Variants in CDX1 observed in about 807,000 individuals in gnomAD.
CDX1 encodes the protein caudal type homeobox 1, also known as homeobox protein CDX-1.
A neutral mutation model predicts 16.9 loss-of-function variants in CDX1; 9 were observed. The ratio of observed to expected loss-of-function variants is 0.53; its 90% CI spans 0.32 to 0.93. The LOEUF (loss-of-function observed/expected upper bound fraction) is 0.93, where lower values mean the gene tolerates loss of function less well. CDX1 is among the 40% of genes least tolerant of loss of function. CDX1 has a pLI of 0.04. For missense variants in CDX1, 393 were observed against 386.1 expected (o/e 1.02, Z -0.15); for synonymous variants, 179 against 179.0 (o/e 1.00, Z 0.00).
intron 1 of CDX1, among the ~76,000 whole-genome samples, chr5:150,178,848 T>C (rs1761604807): frequency 6.6e-6 from 1 of 152,196 alleles, no homozygotes; most frequent in Non-Finnish European, 1.5e-5. Context: ...TATTCTGTCT[T>C]GCTTTTTTTT....
In CDX1 at chr5:150,166,857, C is replaced by CG. The variant is rs765880992; in HGVS notation, c.-15dup. ...CGGCGGCTCCAGGGCCCAGCATGCG[C>CG]GGGGGACCCCGCGGCCACCATGTAT... On this transcript the variant is annotated 5_prime_UTR_variant, in exon 1 of 3. Transcript: ENST00000231656. 5.7e-5 allele frequency: 83 copies of CG among 1,452,678 alleles called. 2 individuals carry two copies. The South Asian group carries it at 1.0e-3, about 18-fold the overall frequency. 90.0% of individuals were successfully genotyped at this position (1,452,678 alleles called of 1,614,324 possible). A position where few individuals can be genotyped will look rare whatever the true frequency, so the allele number is the denominator to read the frequency against.
intron 1 of CDX1, among the ~76,000 whole-genome samples, chr5:150,182,495 C>T (rs1278458678): frequency 1.3e-5 from 2 of 152,264 alleles, no homozygotes; most frequent in African/African-American, 2.4e-5. Context: ...GCTCCGTCAG[C>T]AGCCTGCTGT....
At chr5:150,167,363 T>A (rs1028980338) in intron 1 of CDX1, 42 bp downstream of exon 1, 1 of 1,219,242 alleles carries the variant, frequency 8.2e-7, no homozygotes, top group Admixed American at 4.2e-5. Flanking sequence ...GACCTGCAGG[T>A]GCTCGGGCGC....
intron 1 of CDX1, among the ~76,000 whole-genome samples, chr5:150,175,726 C>G (rs1421686144): frequency 2.0e-5 from 3 of 152,144 alleles, no homozygotes; most frequent in Non-Finnish European, 2.9e-5. Flanking sequence ...GAGAGCCCTC[C>G]CCCTGGTGGT....
rs951732162 is a variant in CDX1 at position 150,167,308 on chromosome 5, C to T, written c.432C>T (p.Gly144=). The T allele has an allele frequency of 2.9e-5, 36 of 1,262,946 alleles. No homozygotes were observed. The highest frequency in any genetic ancestry group is 3.5e-5 in the Non-Finnish European group (35 of 1,009,774). 78.2% of individuals were successfully genotyped at this position (1,262,946 alleles called of 1,614,324 possible). A position where few individuals can be genotyped will look rare whatever the true frequency, so the allele number is the denominator to read the frequency against. ...EWMRRSVAAG[G]GGGSGKTRTK... ...TGCGGCGCAGCGTGGCGGCCGGAGG[C>T]GGCGGTGGCAGCGGTAAGGACCCTT... Residue 144 remains glycine, a synonymous_variant, in exon 1 of 3, where the codon GGC becomes GGT. Coordinates refer to ENST00000231656, the MANE Select transcript of CDX1 (RefSeq NM_001804.3).
chr5:150,173,110 A>T (rs1761528058), intron 1 of CDX1, among the ~76,000 whole-genome samples: 1 of 152,144 alleles, frequency 6.6e-6, no homozygotes, highest in Admixed American at 6.5e-5. Context: ...GCTAGGCTCC[A>T]CACCCTCCCA....
Position 150,166,825 on chromosome 5 carries a change from C to T in CDX1, c.-52C>T. 7.7e-7 allele frequency: 1 copy of T among 1,296,904 alleles called. No individual in the cohort carries two copies. 80.3% of individuals were successfully genotyped at this position (1,296,904 alleles called of 1,614,324 possible). A position where few individuals can be genotyped will look rare whatever the true frequency, so the allele number is the denominator to read the frequency against. The stretch of plus-strand genomic sequence containing the variant: ...GAGCGGTTGCTCGTCGTCGGGGCGG[C>T]CGGCAGCGGCGGCTCCAGGGCCCAG... On this transcript the variant is annotated 5_prime_UTR_variant, in exon 1 of 3. Coordinates refer to ENST00000231656, the MANE Select transcript of CDX1 (RefSeq NM_001804.3).
Position 150,167,198 on chromosome 5 carries a change from G to A in CDX1, c.322G>A (p.Gly108Ser), listed in dbSNP as rs1761437816. The A allele has an allele frequency of 7.9e-7, 1 of 1,265,654 alleles. No homozygotes were observed. The highest frequency in any genetic ancestry group is 1.6e-5 in the African/African-American group (1 of 64,268). The allele number at this position is 1,265,654 out of a possible 1,614,324, so 78.4% of individuals were successfully genotyped here. Reference protein sequence around the residue: ...FSPVPAPPGPGPGLLAQPLGG... With the variant: ...FSPVPAPPGPSPGLLAQPLGG... ...CCCGGTGCCGGCGCCCCCTGGGCCCGGCCCGGGCCTCCTGGCGCAGCCCCT... is the reference window on the plus strand; with the variant it reads ...CCCGGTGCCGGCGCCCCCTGGGCCCAGCCCGGGCCTCCTGGCGCAGCCCCT... The change falls in exon 1 of 3, where the codon GGC becomes AGC. Residue 108 changes from glycine (G) to serine (S), a missense_variant. Gly to Ser is a moderately conservative substitution (Grantham distance 56). Coordinates refer to ENST00000231656, the MANE Select transcript of CDX1 (RefSeq NM_001804.3).
Position 150,184,216 on chromosome 5 carries a change from A to G in CDX1, c.*536A>G, listed in dbSNP as rs1186554348. On this transcript the variant is annotated 3_prime_UTR_variant, in exon 3 of 3. Coordinates refer to ENST00000231656, the MANE Select transcript of CDX1 (RefSeq NM_001804.3). Reference sequence around the variant, plus strand: ...AGGCTGGATACTAAGCACAAAGCCCATAGCACTGGGCTCTGATGGCTGCTC... The same window carrying G: ...AGGCTGGATACTAAGCACAAAGCCCGTAGCACTGGGCTCTGATGGCTGCTC... 1 of 152,362 alleles carries G rather than the reference A, an allele frequency of 6.6e-6. No individual in the cohort carries two copies. The highest frequency in any genetic ancestry group is 1.5e-5 in the Non-Finnish European group (1 of 68,134). The allele number at this position is 152,362 out of a possible 1,614,324, so 9.4% of individuals were successfully genotyped here.
chr5:150,178,670 T>TA (rs1458777052), intron 1 of CDX1, among the ~76,000 whole-genome samples: 1 of 152,176 alleles, frequency 6.6e-6, no homozygotes, highest in African/African-American at 2.4e-5. Flanking sequence ...GATAAAGATT[T>TA]AAAAAACCCA....
intron 1 of CDX1, among the ~76,000 whole-genome samples, chr5:150,174,493 T>C (rs1240803259): frequency 6.6e-6 from 1 of 152,200 alleles, no homozygotes; most frequent in Non-Finnish European, 1.5e-5. Context: ...GTCCGGACCC[T>C]GGTAGGAGTT....
At chr5:150,173,508 C>T (rs1761532538) in intron 1 of CDX1, among the ~76,000 whole-genome samples, 2 of 152,230 alleles carry the variant, frequency 1.3e-5, no homozygotes, top group South Asian at 2.1e-4. Context: ...AGTAAAGTAG[C>T]GTTCTTCCCC....
Position 150,183,607 on chromosome 5 carries a change from G to T in CDX1, c.725G>T (p.Gly242Val), listed in dbSNP as rs757163745. Residue 242 changes from glycine (G) to valine (V), a missense_variant, in exon 3 of 3, where the codon GGC (glycine) becomes GTC (valine). Coordinates refer to ENST00000231656, the MANE Select transcript of CDX1 (RefSeq NM_001804.3). ...ACCCCAGCCGGGCCATCCCTGGGGGGCCTGTGTCCCAGCAACACCAGCCTC... is the reference window on the plus strand; with the variant it reads ...ACCCCAGCCGGGCCATCCCTGGGGGTCCTGTGTCCCAGCAACACCAGCCTC... ...TATPAGPSLG[G>V]LCPSNTSLLA... The T allele has an allele frequency of 6.8e-6, 11 of 1,609,648 alleles. No individual in the cohort carries two copies. The highest frequency in any genetic ancestry group is 1.7e-4 in the Middle Eastern group (1 of 6,034).
intron 1 of CDX1, among the ~76,000 whole-genome samples, chr5:150,174,534 T>G (rs1245082394): frequency 3.3e-5 from 5 of 152,234 alleles, no homozygotes; most frequent in Non-Finnish European, 5.9e-5. Context: ...AGTAGGACTT[T>G]CCGCCAGGAT....
At chr5:150,167,418 G>T in intron 1 of CDX1, 97 bp downstream of exon 1, 1 of 882,834 alleles carries the variant, frequency 1.1e-6, no homozygotes, top group Admixed American at 4.3e-5. Context: ...GCCCTGCTCG[G>T]GTTCCCGGGA....
Position 150,177,583 on chromosome 5 carries a change from G to A in CDX1, c.446-5185G>A, listed in dbSNP as rs112039336. Among the ~76,000 whole-genome samples the A allele has an allele frequency of 1.4e-3, 208 of 152,300 alleles. 2 individuals carry two copies. Among genetic ancestry groups the A allele is most frequent in the African/African-American group, 4.6e-3 (191 of 41,552 alleles). On this transcript the variant is annotated intron_variant, in intron 1 of 2. Coordinates refer to ENST00000231656, the MANE Select transcript of CDX1 (RefSeq NM_001804.3). The stretch of plus-strand genomic sequence containing the variant: ...GTTTTGAATCCCACCTGCCTGATGC[G>A]TGGTCCTCTCTGACCCTGAGTTTTC...
chr5:150,170,070 CT>C (rs1761484305), intron 1 of CDX1, among the ~76,000 whole-genome samples: 1 of 152,230 alleles, frequency 6.6e-6, no homozygotes, highest in Non-Finnish European at 1.5e-5. Context: ...CTGCTCTCAC[CT>C]TGGCTTCCAA....
rs902628784 is a variant in CDX1, at chr5:150,184,450, T to C, written c.*770T>C. The C allele has an allele frequency of 3.9e-5, 6 of 152,176 alleles. No homozygotes were observed. Among genetic ancestry groups the C allele is most frequent in the African/African-American group, 1.4e-4 (6 of 41,442 alleles). 9.4% of individuals were successfully genotyped at this position (152,176 alleles called of 1,614,324 possible). ...AGCTGGACAGGTGTTGTATATAGAG[T>C]GGAATCTCTTGGATGCAGCTTCAAG... On this transcript the variant is annotated 3_prime_UTR_variant, in exon 3 of 3. Transcript: ENST00000231656.
intron 1 of CDX1, among the ~76,000 whole-genome samples, chr5:150,168,238 A>T (rs1580836015): frequency 6.6e-6 from 1 of 152,120 alleles, no homozygotes; most frequent in Non-Finnish European, 1.5e-5. Context: ...CCACCCTTTG[A>T]TGTCCAGCCC....
Sources: gnomAD v4.1 joint callset for allele counts (sites outside exome capture counted in the v4.1 genomes callset) on GRCh38, gnomAD v4.1.1 for gene constraint, MANE v1.5 for transcripts, NCBI Gene and HGNC (gene_info 2026-07-23, HGNC 2026-07-21) for gene names.